Variants in MTUS2 observed in about 807,000 individuals in gnomAD.
The protein encoded by MTUS2 is microtubule associated scaffold protein 2.
A neutral mutation model predicts 114.1 loss-of-function variants in MTUS2; 40 were observed. The observed-to-expected ratio is 0.35, with a 90% confidence interval of 0.27 to 0.46. The LOEUF is 0.46. MTUS2 is among the 20% of genes least tolerant of loss of function. The pLI is 1.00. For missense variants in MTUS2, 1,679 were observed against 1,705.4 expected, an observed-to-expected ratio of 0.98 and a Z score of 0.27; for synonymous variants, 688 against 672.0, an observed-to-expected ratio of 1.02 and a Z score of -0.37.
intron 2 of MTUS2, among the ~76,000 whole-genome samples, chr13:28,878,947 C>T (rs987049795): frequency 6.6e-6 from 1 of 152,178 alleles, no homozygotes; most frequent in Non-Finnish European, 1.5e-5. Flanking sequence ...CTCTCACTAA[C>T]AGTGTAAAAG....
chr13:28,923,129 C>A (rs1881140088), intron 2 of MTUS2, among the ~76,000 whole-genome samples: 1 of 152,106 alleles, frequency 6.6e-6, no homozygotes, highest in Non-Finnish European at 1.5e-5. Flanking sequence ...CCTTATCGAT[C>A]CCCGAATTAA....
At chr13:28,870,982 A>G (rs1322774348) in intron 2 of MTUS2, among the ~76,000 whole-genome samples, 3 of 152,138 alleles carry the variant, frequency 2.0e-5, no homozygotes, top group Non-Finnish European at 4.4e-5. Context: ...TCAAATATCT[A>G]CTGAGCACTG....
At chr13:29,267,447 G>T (rs554232718) in intron 5 of MTUS2, among the ~76,000 whole-genome samples, 2 of 152,290 alleles carry the variant, frequency 1.3e-5, no homozygotes, top group East Asian at 1.9e-4. Context: ...TTTGTGGCCT[G>T]TTACCCCTGC....
intron 2 of MTUS2, among the ~76,000 whole-genome samples, chr13:28,907,499 A>G (rs1880109649): frequency 6.6e-6 from 1 of 151,600 alleles, no homozygotes; most frequent in South Asian, 2.1e-4. Context: ...TGCTGTATTC[A>G]GGAAACCCAT....
intron 5 of MTUS2, among the ~76,000 whole-genome samples, chr13:29,124,181 G>A (rs959462671): frequency 6.6e-6 from 1 of 152,162 alleles, no homozygotes; most frequent in African/African-American, 2.4e-5. Context: ...GCATGTTGTT[G>A]CCTGTTTGAA....
chr13:29,026,376 G>T lies in MTUS2; in HGVS notation c.1678G>T (p.Val560Leu), dbSNP rs371733167. ...TPSSSFQDVS[V>L]FGMDAGSPLV... ...CAGTAGCAGTTTTCAGGATGTTAGCGTGTTCGGTATGGATGCGGGGTCCCC... is the reference window on the plus strand; with the variant it reads ...CAGTAGCAGTTTTCAGGATGTTAGCTTGTTCGGTATGGATGCGGGGTCCCC... The change falls in exon 3 of 16, where the codon GTG becomes TTG. Residue 560 changes from valine (V) to leucine (L), a missense_variant. Val to Leu is a conservative substitution (Grantham distance 32, BLOSUM62 1). Around this residue, in one of 3 missense-constraint regions of MTUS2, gnomAD observed 843 missense variants for 770.8 expected, o/e 1.09. Transcript: ENST00000612955. 9.7e-5 allele frequency: 157 copies of T among 1,613,800 alleles called. No individual in the cohort carries two copies. Among genetic ancestry groups the T allele is most frequent in the Non-Finnish European group, 1.3e-4 (153 of 1,179,864 alleles).
intron 8 of MTUS2, among the ~76,000 whole-genome samples, chr13:29,416,127 C>T (rs1255415510): frequency 6.8e-6 from 1 of 146,724 alleles, no homozygotes; most frequent in Non-Finnish European, 1.5e-5. Flanking sequence ...CAGGGTGTCA[C>T]CATGTTGGCC....
chr13:29,313,557 C>T (rs1899862194), intron 6 of MTUS2, among the ~76,000 whole-genome samples: 1 of 151,980 alleles, frequency 6.6e-6, no homozygotes, highest in African/African-American at 2.4e-5. Flanking sequence ...AGATATATGT[C>T]TACATGTATA....
intron 9 of MTUS2, among the ~76,000 whole-genome samples, chr13:29,442,777 T>C (rs898379895): frequency 1.3e-5 from 2 of 152,222 alleles, no homozygotes; most frequent in African/African-American, 4.8e-5. Flanking sequence ...CTGCCCTCAG[T>C]GGCCGAGAGA....
rs142051050 is a variant in MTUS2 at position 29,026,740 on chromosome 13, A to T, written c.2042A>T (p.Glu681Val). The T allele has an allele frequency of 6.2e-6, 10 of 1,613,950 alleles. No homozygotes were observed. Among genetic ancestry groups the T allele is most frequent in the Non-Finnish European group, 5.9e-6 (7 of 1,179,888 alleles). ...ACATGTACCATGCCTCTTCCCCACG[A>T]AGAGAAGGCAGCAGGTGGTGACCTG... ...PPTCTMPLPH[E>V]EKAAGGDLKP... Residue 681 changes from glutamate to valine, a missense_variant, in exon 3 of 16, where the codon GAA (glutamate) becomes GTA (valine). Coordinates refer to ENST00000612955, the MANE Select transcript of MTUS2 (RefSeq NM_001033602.4).
intron 4 of MTUS2, among the ~76,000 whole-genome samples, chr13:29,060,503 G>A (rs964828996): frequency 2.0e-5 from 3 of 148,314 alleles, no homozygotes; most frequent in African/African-American, 7.5e-5. Context: ...GTGTCCACCT[G>A]CTGCCTTGGT....
chr13:29,461,216 A>T (rs1879468090), intron 9 of MTUS2, among the ~76,000 whole-genome samples: 1 of 151,772 alleles, frequency 6.6e-6, no homozygotes, highest in South Asian at 2.1e-4. Flanking sequence ...GGGGGGGTGA[A>T]CTCATTCTTT....
At chr13:28,854,151 C>T (rs1308939198) in intron 2 of MTUS2, among the ~76,000 whole-genome samples, 2 of 152,140 alleles carry the variant, frequency 1.3e-5, no homozygotes, top group East Asian at 3.9e-4. Context: ...TCAAGACTTA[C>T]CCTAGACCTC....
intron 5 of MTUS2, among the ~76,000 whole-genome samples, chr13:29,195,929 G>A (rs1894678056): frequency 6.6e-6 from 1 of 152,164 alleles, no homozygotes; most frequent in Non-Finnish European, 1.5e-5. Flanking sequence ...TGTGCCTGCT[G>A]TGGAGCCTGA....
chr13:29,376,742 A>G (rs1467217930), intron 8 of MTUS2, among the ~76,000 whole-genome samples: 1 of 152,170 alleles, frequency 6.6e-6, no homozygotes, highest in African/African-American at 2.4e-5. Context: ...ATAGTACACA[A>G]AGCCCAATGT....
chr13:29,295,795 C>T (rs1566115092), intron 6 of MTUS2, among the ~76,000 whole-genome samples: 1 of 152,154 alleles, frequency 6.6e-6, no homozygotes, highest in Non-Finnish European at 1.5e-5. Context: ...GGAGCAAAGG[C>T]ATTTCTTACA....
intron 6 of MTUS2, among the ~76,000 whole-genome samples, chr13:29,300,381 TG>T (rs1423996477): frequency 1.3e-5 from 2 of 152,170 alleles, no homozygotes; most frequent in Non-Finnish European, 2.9e-5. Flanking sequence ...CCACCCTGCT[TG>T]TCAGCCTTGA....
intron 4 of MTUS2, among the ~76,000 whole-genome samples, chr13:29,055,208 C>T (rs562488510): frequency 6.6e-6 from 1 of 152,148 alleles, no homozygotes; most frequent in South Asian, 2.1e-4. Context: ...TTTTAAAGCT[C>T]TATTATTAGG....
At chr13:29,461,863 C>G (rs769623118) in intron 9 of MTUS2, among the ~76,000 whole-genome samples, 7 of 152,164 alleles carry the variant, frequency 4.6e-5, no homozygotes, top group Non-Finnish European at 1.0e-4. Context: ...CTAAGGCGCT[C>G]TATGGACTGA....
Sources: allele counts gnomAD v4.1 joint callset (sites outside exome capture counted in the v4.1 genomes callset), GRCh38; gene constraint gnomAD v4.1.1; regional missense constraint gnomAD v4.1.1; transcripts MANE v1.5; gene names NCBI Gene and HGNC (gene_info 2026-07-23, HGNC 2026-07-21).